The following GUCY1A2 variants were observed in gnomAD, a reference collection of about 807,000 sequenced individuals.
GUCY1A2 encodes the protein guanylate cyclase 1 soluble subunit alpha 2, also known as guanylate cyclase soluble subunit alpha-2.
Under a neutral mutation model 63.5 loss-of-function variants are expected in GUCY1A2, and 27 were observed. The ratio of observed to expected loss-of-function variants is 0.43; its 90% CI spans 0.31 to 0.59. GUCY1A2 has a LOEUF of 0.59. GUCY1A2 is among the 20% of genes least tolerant of loss of function. GUCY1A2 has a pLI of 0.11. For synonymous variants in GUCY1A2, 364 were observed against 343.5 expected, an observed-to-expected ratio of 1.06 and a Z score of -0.66; for missense variants, 768 against 913.3, an observed-to-expected ratio of 0.84 and a Z score of 2.05.
intron 6 of GUCY1A2, among the ~76,000 whole-genome samples, chr11:106,771,193 C>G (rs1462399080): frequency 6.6e-6 from 1 of 152,034 alleles, no homozygotes; most frequent in African/African-American, 2.4e-5. Flanking sequence ...CCCAACTTCC[C>G]TTTCCCTATC....
chr11:106,747,933 T>G (rs1863818247), intron 6 of GUCY1A2, among the ~76,000 whole-genome samples: 1 of 152,206 alleles, frequency 6.6e-6, no homozygotes, highest in African/African-American at 2.4e-5. Context: ...AGACAAGTCT[T>G]ACAACAGCAG....
chr11:106,803,138 G>C (rs936749521), intron 5 of GUCY1A2, among the ~76,000 whole-genome samples: 3 of 152,128 alleles, frequency 2.0e-5, no homozygotes, highest in Non-Finnish European at 4.4e-5. Context: ...TCTGAATATA[G>C]AAGAAAAATA....
At chr11:106,760,328 C>T (rs1864043859) in intron 6 of GUCY1A2, among the ~76,000 whole-genome samples, 1 of 151,290 alleles carries the variant, frequency 6.6e-6, no homozygotes, top group Non-Finnish European at 1.5e-5. Context: ...AGTAATGTGA[C>T]TATGAAAAGA....
chr11:106,930,249 A>G (rs1311143961), intron 4 of GUCY1A2, among the ~76,000 whole-genome samples: 2 of 152,240 alleles, frequency 1.3e-5, no homozygotes, highest in Non-Finnish European at 2.9e-5. Flanking sequence ...AATGAAAACA[A>G]GCTTCAAAAA....
chr11:106,712,382 A>G (rs954332033), intron 6 of GUCY1A2, among the ~76,000 whole-genome samples: 1 of 152,160 alleles, frequency 6.6e-6, no homozygotes, highest in Non-Finnish European at 1.5e-5. Context: ...CCAGGTATCA[A>G]TTTAGCTTTT....
intron 4 of GUCY1A2, among the ~76,000 whole-genome samples, chr11:106,899,584 C>T (rs963119676): frequency 6.6e-6 from 1 of 152,156 alleles, no homozygotes; most frequent in Non-Finnish European, 1.5e-5. Flanking sequence ...GTCTAACTTA[C>T]ATTAAAAATC....
chr11:106,731,479 A>G (rs2135371771), intron 6 of GUCY1A2, among the ~76,000 whole-genome samples: 1 of 152,284 alleles, frequency 6.6e-6, no homozygotes, highest in Non-Finnish European at 1.5e-5. Flanking sequence ...CCGGAACAAG[A>G]CAAGGATGCC....
chr11:106,703,713 T>C (rs1862856997), intron 7 of GUCY1A2, among the ~76,000 whole-genome samples: 1 of 152,100 alleles, frequency 6.6e-6, no homozygotes, highest in South Asian at 2.1e-4. Context: ...GTTTGTGTTG[T>C]TGAAGCCAAC....
At chr11:106,852,548 T>C (rs1439019128) in intron 4 of GUCY1A2, among the ~76,000 whole-genome samples, 2 of 152,194 alleles carry the variant, frequency 1.3e-5, no homozygotes, top group East Asian at 3.8e-4. Context: ...AAATGCTTTT[T>C]CTGCATCTAG....
chr11:106,703,597 A>G (rs1286367282), intron 7 of GUCY1A2, among the ~76,000 whole-genome samples: 3 of 152,178 alleles, frequency 2.0e-5, no homozygotes. Context: ...AAAGCATGTT[A>G]TCACCTAGAA....
rs544718237 is a variant in GUCY1A2, at chr11:106,751,027, T to C, written c.1836+25412A>G. On this transcript the variant is annotated intron_variant, in intron 6 of 7. Coordinates refer to ENST00000526355, the MANE Select transcript of GUCY1A2 (RefSeq NM_000855.3). ...AAATGATGATGCCTGGTTAATTCTATGTGCCACTGCATATTAATTCACACA... is the reference window on the plus strand; with the variant it reads ...AAATGATGATGCCTGGTTAATTCTACGTGCCACTGCATATTAATTCACACA... Among the ~76,000 whole-genome samples, 3 of 152,206 alleles carry C rather than the reference T, an allele frequency of 2.0e-5. No homozygotes were observed. The East Asian group carries it at 5.8e-4, about 29-fold the overall frequency.
chr11:106,884,119 C>T (rs1238054222), intron 4 of GUCY1A2, among the ~76,000 whole-genome samples: 1 of 151,998 alleles, frequency 6.6e-6, no homozygotes, highest in African/African-American at 2.4e-5. Context: ...CAACATGGCA[C>T]ATGTATACGT....
At chr11:106,947,716 C>A (rs1860849475) in intron 3 of GUCY1A2, among the ~76,000 whole-genome samples, 1 of 151,928 alleles carries the variant, frequency 6.6e-6, no homozygotes, top group Admixed American at 6.6e-5. Flanking sequence ...GCAATACATT[C>A]TCTTGGATTA....
intron 6 of GUCY1A2, among the ~76,000 whole-genome samples, chr11:106,742,796 C>T (rs1050345064): frequency 5.9e-5 from 9 of 152,138 alleles, no homozygotes; most frequent in African/African-American, 2.2e-4. Flanking sequence ...CTAATTTACA[C>T]TCCCACCAAC....
At chr11:106,976,411 G>T (rs191612313) in intron 3 of GUCY1A2, among the ~76,000 whole-genome samples, 184 of 152,150 alleles carry the variant, frequency 1.2e-3, no homozygotes, top group Non-Finnish European at 2.1e-3. Flanking sequence ...TTACAGAAGA[G>T]AATTTAAACA....
rs1401495446 is a variant in GUCY1A2, at chr11:106,683,329, A to G, written c.*4220T>C. The G allele has an allele frequency of 4.5e-6, 1 of 222,872 alleles. No individual in the cohort carries two copies. Among genetic ancestry groups the G allele is most frequent in the African/African-American group, 2.2e-5 (1 of 44,726 alleles). 13.8% of individuals were successfully genotyped at this position (222,872 alleles called of 1,614,324 possible). A position where few individuals can be genotyped will look rare whatever the true frequency, so the allele number is the denominator to read the frequency against. On this transcript the variant is annotated 3_prime_UTR_variant, in exon 8 of 8. Transcript: ENST00000526355. ...TTGAGTTTCTAGATATTGTCAGCTG[A>G]AAGACGCCTGGTGCTACCCAAAGCC...
At chr11:106,731,416 C>T (rs901190177) in intron 6 of GUCY1A2, among the ~76,000 whole-genome samples, 1 of 152,046 alleles carries the variant, frequency 6.6e-6, no homozygotes, top group African/African-American at 2.4e-5. Context: ...ATGACAAATC[C>T]ACAATCAACA....
At chr11:106,801,469 A>G (rs1244415458) in intron 5 of GUCY1A2, among the ~76,000 whole-genome samples, 1 of 152,192 alleles carries the variant, frequency 6.6e-6, no homozygotes, top group Non-Finnish European at 1.5e-5. Flanking sequence ...ACTAACCTAT[A>G]GTATGTAAGT....
At chr11:106,942,144 GC>G (rs1860760216) in intron 3 of GUCY1A2, among the ~76,000 whole-genome samples, 1 of 152,148 alleles carries the variant, frequency 6.6e-6, no homozygotes. Context: ...TGTTGAAACT[GC>G]TTTCATAAAT....
Sources: allele counts gnomAD v4.1 joint callset (sites outside exome capture counted in the v4.1 genomes callset), GRCh38; gene constraint gnomAD v4.1.1; transcripts MANE v1.5; gene names NCBI Gene and HGNC (gene_info 2026-07-23, HGNC 2026-07-21).